The following C3orf52 variants were observed in gnomAD, a reference collection of about 807,000 sequenced individuals.
The protein encoded by C3orf52 is chromosome 3 open reading frame 52.
Under a neutral mutation model 24.8 loss-of-function variants are expected in C3orf52, and 22 were observed. The observed-to-expected ratio is 0.89, with a 90% CI of 0.63 to 1.27. The LOEUF (loss-of-function observed/expected upper bound fraction) is 1.27, where lower values mean the gene tolerates loss of function less well. C3orf52 is among the 50% of genes most tolerant of loss of function. The probability of loss-of-function intolerance (pLI) is 0.00; values close to 1 mark genes in which losing one functional copy is unlikely to be tolerated. For synonymous variants in C3orf52, 93 were observed against 100.2 expected (o/e 0.93, Z 0.43); for missense variants, 265 against 260.7 (o/e 1.02, Z -0.11).
chr3:112,133,048 C>T, downstream of C3orf52: 1 of 1,593,190 alleles, frequency 6.3e-7, no homozygotes, highest in South Asian at 1.1e-5. Flanking sequence ...GCTGTATTGT[C>T]CTGTCCCATC....
chr3:112,120,918 T>C (rs1576154645), downstream of C3orf52: 1 of 152,290 alleles, frequency 6.6e-6, no homozygotes, highest in East Asian at 1.9e-4. Context: ...TATCAGAATT[T>C]TTTAACTCTT....
chr3:112,100,308 C>T (rs964875542), intron 2 of C3orf52, among the ~76,000 whole-genome samples: 19 of 152,198 alleles, frequency 1.2e-4, no homozygotes, highest in Non-Finnish European at 2.4e-4. Context: ...AGCCAAAGAA[C>T]TGTTTTCATG....
downstream of C3orf52, among the ~76,000 whole-genome samples, chr3:112,131,762 G>A (rs564037259): frequency 6.6e-6 from 1 of 152,308 alleles, no homozygotes; most frequent in African/African-American, 2.4e-5. Context: ...CAAAACTTAT[G>A]TGAGTTGATT....
chr3:112,102,484 C>T (rs2073982159), intron 2 of C3orf52, among the ~76,000 whole-genome samples: 2 of 152,196 alleles, frequency 1.3e-5, no homozygotes, highest in Admixed American at 1.3e-4. Context: ...CCCACCGTCT[C>T]CCAGTACCTG....
chr3:112,100,699 A>T (rs1418333069), intron 2 of C3orf52, among the ~76,000 whole-genome samples: 11 of 152,208 alleles, frequency 7.2e-5, no homozygotes, highest in Non-Finnish European at 2.9e-5. Flanking sequence ...GAGCTCAAAG[A>T]TACCCATTGA....
Position 112,102,833 on chromosome 3 carries a change from T to C in C3orf52, c.269-5T>C. 3 of 1,551,278 alleles carry C rather than the reference T, an allele frequency of 1.9e-6. No homozygotes were observed. Among genetic ancestry groups the C allele is most frequent in the Non-Finnish European group, 2.6e-6 (3 of 1,147,916 alleles). Reference sequence around the variant, plus strand: ...TTTCATTTCCACCTCCCCTACTTTCTTTAGTAACTTATGTTGATGAAGATG... The same window carrying C: ...TTTCATTTCCACCTCCCCTACTTTCCTTAGTAACTTATGTTGATGAAGATG... On this transcript the variant is annotated splice_region_variant and splice_polypyrimidine_tract_variant and intron_variant, in intron 2 of 5. Transcript: ENST00000264848.
chr3:112,116,310 G>A (rs761061076), intron 5 of C3orf52, among the ~76,000 whole-genome samples: 4 of 152,076 alleles, frequency 2.6e-5, no homozygotes, highest in Non-Finnish European at 4.4e-5. Context: ...TTTTAAAAAC[G>A]GAAATTTTAG....
intron 3 of C3orf52, among the ~76,000 whole-genome samples, chr3:112,103,618 C>A (rs553240969): frequency 1.3e-5 from 2 of 152,036 alleles, no homozygotes; most frequent in Admixed American, 1.3e-4. Context: ...CTAAAAAGAT[C>A]GTTTTATAAT....
At chr3:112,089,627 T>C (rs1412744435) in intron 1 of C3orf52, among the ~76,000 whole-genome samples, 1 of 152,102 alleles carries the variant, frequency 6.6e-6, no homozygotes, top group Non-Finnish European at 1.5e-5. Context: ...ATCAACTGGC[T>C]CTTTTGTGCT....
chr3:112,127,984 G>C, intron 4 of C3orf52: 1 of 1,596,112 alleles, frequency 6.3e-7, no homozygotes. Flanking sequence ...CCACACTTAG[G>C]GAAATAACTC....
chr3:112,105,002 A>G (rs1470819053), intron 3 of C3orf52, among the ~76,000 whole-genome samples: 1 of 152,234 alleles, frequency 6.6e-6, no homozygotes, highest in Admixed American at 6.5e-5. Flanking sequence ...CCTGTTGCAT[A>G]GTAGACTGTC....
At chr3:112,111,962 G>T (rs1163643768) in intron 4 of C3orf52, 1 of 152,256 alleles carries the variant, frequency 6.6e-6, no homozygotes, top group Non-Finnish European at 1.5e-5. Flanking sequence ...AGATCGAAGA[G>T]TATCGGCCTA....
At chr3:112,105,059 A>G (rs1267823666) in intron 3 of C3orf52, among the ~76,000 whole-genome samples, 1 of 152,166 alleles carries the variant, frequency 6.6e-6, no homozygotes, top group Non-Finnish European at 1.5e-5. Context: ...ACAACCATAT[A>G]TCTTGCACAG....
intron 2 of C3orf52, 100 bp downstream of exon 2, chr3:112,093,589 A>G (rs2073899003): frequency 1.7e-6 from 2 of 1,148,026 alleles, no homozygotes; most frequent in Non-Finnish European, 2.5e-6. Flanking sequence ...CCATTTCATT[A>G]TTTATAATGT....
intron 2 of C3orf52, 120 bp from the exon 3 acceptor site, chr3:112,102,718 C>A: frequency 3.2e-6 from 3 of 940,482 alleles, no homozygotes; most frequent in Admixed American, 6.0e-5. Context: ...CTGTGTTCAG[C>A]CTTTACCCTT....
rs1252638786 is a variant in C3orf52, at chr3:112,089,883, AGCC to A, written c.138+3339_138+3341del. 2.0e-5 allele frequency among the ~76,000 whole-genome samples: 3 copies of A among 152,264 alleles called. No individual in the cohort carries two copies. The East Asian group carries it at 5.8e-4, about 29-fold the overall frequency. ...CATAGGAAAGCCCTGAAAATTCTTG[AGCC>A]ATATAATATGATCACAGAATATAAG... On this transcript the variant is annotated intron_variant, in intron 1 of 5. Transcript: ENST00000264848.
downstream of C3orf52, chr3:112,130,418 G>C (rs374019602): frequency 1.3e-5 from 21 of 1,594,010 alleles, no homozygotes; most frequent in Non-Finnish European, 1.7e-5. Flanking sequence ...CAAGGTCTGG[G>C]GGGTGTTTGG....
chr3:112,125,241 TGAC>T lies in C3orf52; in HGVS notation c.*47-2991_*47-2989del, dbSNP rs776142563. 14 of 1,580,832 alleles carry T rather than the reference TGAC, an allele frequency of 8.9e-6. No individual in the cohort carries two copies. The South Asian group carries it at 1.4e-4, about 16-fold the overall frequency. On this transcript the variant is annotated intron_variant, in intron 4 of 4. Coordinates refer to the C3orf52 transcript ENST00000480282. Reference sequence around the variant, plus strand: ...TTCTTATTACCTGGATGGGAGTAGATGACATTCTTTCATCTGGAGAAAGAAAAT... The same window carrying T: ...TTCTTATTACCTGGATGGGAGTAGATATTCTTTCATCTGGAGAAAGAAAAT...
At chr3:112,097,941 C>A (rs1363042528) in intron 2 of C3orf52, among the ~76,000 whole-genome samples, 1 of 152,168 alleles carries the variant, frequency 6.6e-6, no homozygotes, top group East Asian at 1.9e-4. Context: ...TTATTTATAT[C>A]TTACTGCTCA....
Sources: gnomAD v4.1 joint callset for allele counts (sites outside exome capture counted in the v4.1 genomes callset) on GRCh38, gnomAD v4.1.1 for gene constraint, MANE v1.5 for transcripts, NCBI Gene and HGNC (gene_info 2026-07-23, HGNC 2026-07-21) for gene names.